EXOC4: variants seen among roughly 807,000 people sequenced by gnomAD.
EXOC4 encodes exocyst complex component 4.
Under a neutral mutation model 107.2 loss-of-function variants are expected in EXOC4, and 71 were observed. That is an observed-to-expected ratio of 0.66 (90% CI 0.55 to 0.81). The LOEUF is 0.81. Ranked by LOEUF, EXOC4 falls within the 30% of genes least tolerant of loss-of-function variation. The pLI, the probability that EXOC4 is intolerant of heterozygous loss-of-function variation, is 0.00. For missense variants in EXOC4, 1,108 were observed against 1,189.6 expected, an observed-to-expected ratio of 0.93 and a Z score of 1.01; for synonymous variants, 456 against 441.2, an observed-to-expected ratio of 1.03 and a Z score of -0.42.
At chr7:133,995,729 T>C (rs1794375387) in intron 14 of EXOC4, among the ~76,000 whole-genome samples, 1 of 152,218 alleles carries the variant, frequency 6.6e-6, no homozygotes, top group Non-Finnish European at 1.5e-5. Flanking sequence ...ATGTTTGCCA[T>C]GTTATTTTAA....
chr7:134,048,171 C>A (rs1431817387), intron 17 of EXOC4, among the ~76,000 whole-genome samples: 1 of 152,196 alleles, frequency 6.6e-6, no homozygotes, highest in Non-Finnish European at 1.5e-5. Flanking sequence ...GCAGGGTCTG[C>A]AAAGTATCTT....
chr7:133,778,558 T>G (rs986092757), intron 10 of EXOC4, among the ~76,000 whole-genome samples: 1 of 152,220 alleles, frequency 6.6e-6, no homozygotes, highest in African/African-American at 2.4e-5. Context: ...CACTCCAGCC[T>G]GGGCAAGAGA....
intron 9 of EXOC4, among the ~76,000 whole-genome samples, chr7:133,574,109 ATTAT>A (rs1277869684): frequency 1.1e-4 from 16 of 152,280 alleles, no homozygotes; most frequent in Admixed American, 3.3e-4. Context: ...GTAATTATTA[ATTAT>A]TTATGACTGA....
At chr7:133,518,821 G>A (rs1799929419) in intron 9 of EXOC4, among the ~76,000 whole-genome samples, 1 of 152,074 alleles carries the variant, frequency 6.6e-6, no homozygotes, top group African/African-American at 2.4e-5. Flanking sequence ...GGCTGTAAGG[G>A]GTGGGATGGA....
chr7:133,857,189 TATATATATATA>T lies in EXOC4; in HGVS notation c.1735-38409_1735-38399del, dbSNP rs1563029936. Among the ~76,000 whole-genome samples the T allele has an allele frequency of 5.5e-3, 249 of 45,636 alleles. 25 individuals are homozygous for T. The highest frequency in any genetic ancestry group is 8.0e-3 in the African/African-American group (63 of 7,834). The allele number at this position is 45,636 out of a possible 152,430, so 29.9% of individuals were successfully genotyped here. ...ATATATATATATATATATATATATA[TATATATATATA>T]TTTTACCTCTACTTAACCTCCCTGG... is the stretch of plus-strand genomic sequence containing the variant. On this transcript the variant is annotated intron_variant, in intron 11 of 17. Transcript: ENST00000253861.
chr7:133,564,943 A>G (rs1164690864), intron 9 of EXOC4, among the ~76,000 whole-genome samples: 3 of 152,192 alleles, frequency 2.0e-5, no homozygotes, highest in Non-Finnish European at 2.9e-5. Context: ...CAGGAACTCA[A>G]ACCTAACCCA....
chr7:133,499,111 G>T (rs201634798), intron 9 of EXOC4, among the ~76,000 whole-genome samples: 3 of 141,086 alleles, frequency 2.1e-5, no homozygotes, highest in African/African-American at 5.2e-5. Context: ...GGAGCTTTTT[G>T]AAAAAAAAAA....
At chr7:133,857,920 G>T (rs895661532) in intron 11 of EXOC4, among the ~76,000 whole-genome samples, 1 of 152,096 alleles carries the variant, frequency 6.6e-6, no homozygotes, top group African/African-American at 2.4e-5. Flanking sequence ...TCACTCTGGC[G>T]TACAGCTCCC....
chr7:133,253,404 A>G (rs1015182535), intron 1 of EXOC4: 1 of 1,312,368 alleles, frequency 7.6e-7, no homozygotes, highest in Non-Finnish European at 9.7e-7. Context: ...GCCCCGCCTC[A>G]GTCTTTTCTT....
At chr7:133,558,189 C>CTCTTTTCTTT (rs11275864) in intron 9 of EXOC4, among the ~76,000 whole-genome samples, 13,900 of 114,150 alleles carry the variant, frequency 0.12, 1,281 homozygotes, top group Middle Eastern at 0.2. Context: ...TTGGTTCCTT[C>CTCTTTTCTTT]TCTTTTCTTT....
intron 9 of EXOC4, among the ~76,000 whole-genome samples, chr7:133,536,091 G>T (rs1800264363): frequency 6.6e-6 from 1 of 151,962 alleles, no homozygotes; most frequent in Non-Finnish European, 1.5e-5. Flanking sequence ...TTGGATTCTT[G>T]CTGCTCCACT....
intron 10 of EXOC4, among the ~76,000 whole-genome samples, chr7:133,690,540 C>T (rs1395811535): frequency 6.6e-6 from 1 of 152,164 alleles, no homozygotes; most frequent in Admixed American, 6.5e-5. Flanking sequence ...GGCAGCTCTC[C>T]TGGGATTCTG....
chr7:134,012,662 G>T (rs1794798562), intron 17 of EXOC4, among the ~76,000 whole-genome samples: 1 of 152,126 alleles, frequency 6.6e-6, no homozygotes, highest in South Asian at 2.1e-4. Flanking sequence ...GAGAGTTTTG[G>T]AGTCATCAGC....
At chr7:133,848,587 C>T (rs534868123) in intron 11 of EXOC4, among the ~76,000 whole-genome samples, 2 of 152,328 alleles carry the variant, frequency 1.3e-5, no homozygotes, top group Non-Finnish European at 1.5e-5. Context: ...TCCCTGAATG[C>T]ACACATGGCA....
chr7:134,064,283 T>G lies in EXOC4; in HGVS notation c.2688-8T>G. 7.0e-7 allele frequency: 1 copy of G among 1,421,992 alleles called. No individual in the cohort carries two copies. Among genetic ancestry groups the G allele is most frequent in the Non-Finnish European group, 9.3e-7 (1 of 1,076,306 alleles). The allele number at this position is 1,421,992 out of a possible 1,614,324, so 88.1% of individuals were successfully genotyped here. ...GCCAGTGAGCAGTGTTCTCTCTTGCTTTCTCAGGCAGTACTACGAGATGCT... is the reference window on the plus strand; with the variant it reads ...GCCAGTGAGCAGTGTTCTCTCTTGCGTTCTCAGGCAGTACTACGAGATGCT... On this transcript the variant is annotated splice_polypyrimidine_tract_variant and splice_region_variant and intron_variant, in intron 17 of 17. Transcript: ENST00000253861.
intron 2 of EXOC4, 82 bp from the exon 3 acceptor site, chr7:133,288,840 C>G: frequency 9.1e-7 from 1 of 1,104,286 alleles, no homozygotes; most frequent in South Asian, 1.4e-5. Context: ...TACAGTAGTA[C>G]CAGTGAAGAC....
intron 14 of EXOC4, among the ~76,000 whole-genome samples, chr7:133,950,701 G>T (rs1020313909): frequency 6.6e-6 from 1 of 152,220 alleles, no homozygotes; most frequent in African/African-American, 2.4e-5. Flanking sequence ...TTTAAGATTT[G>T]TGGATTATTG....
At chr7:133,514,009 A>T (rs1238222377) in intron 9 of EXOC4, among the ~76,000 whole-genome samples, 1 of 152,126 alleles carries the variant, frequency 6.6e-6, no homozygotes, top group Non-Finnish European at 1.5e-5. Flanking sequence ...TAATTTATGT[A>T]TGTAATGTGA....
At chr7:133,323,276 C>A (rs993006610) in intron 5 of EXOC4, among the ~76,000 whole-genome samples, 8 of 152,204 alleles carry the variant, frequency 5.3e-5, no homozygotes, top group African/African-American at 1.7e-4. Context: ...GAGAGGGCAT[C>A]GTTTTCTTGT....
Sources: gnomAD v4.1 joint callset for allele counts (sites outside exome capture counted in the v4.1 genomes callset) on GRCh38, gnomAD v4.1.1 for gene constraint, MANE v1.5 for transcripts, NCBI Gene and HGNC (gene_info 2026-07-23, HGNC 2026-07-21) for gene names.